The following KANSL1 variants were observed in gnomAD, a reference collection of about 807,000 sequenced individuals.
KANSL1 encodes the protein KAT8 regulatory NSL complex subunit 1, also known as MLL1/MLL complex subunit KANSL1.
In KANSL1, 22 loss-of-function variants were observed where a neutral mutation model predicts 103.6. The ratio of observed to expected loss-of-function variants is 0.21; its 90% CI spans 0.15 to 0.30. The LOEUF is 0.30. KANSL1 is among the 10% of genes least tolerant of loss of function. The pLI, the probability that KANSL1 is intolerant of heterozygous loss-of-function variation, is 1.00. For synonymous variants in KANSL1, 600 were observed against 527.6 expected (o/e 1.14, Z -1.88); for missense variants, 1,337 against 1,399.8 (o/e 0.96, Z 0.72).
intron 2 of KANSL1, among the ~76,000 whole-genome samples, chr17:46,116,479 G>C (rs1036591581): frequency 6.6e-6 from 1 of 152,184 alleles, no homozygotes; most frequent in Non-Finnish European, 1.5e-5. Flanking sequence ...GCAGTGAGCC[G>C]AGATGGCACC....
At chr17:46,048,430 C>T (rs1390638760) in intron 7 of KANSL1, among the ~76,000 whole-genome samples, 1 of 151,736 alleles carries the variant, frequency 6.6e-6, no homozygotes, top group Non-Finnish European at 1.5e-5. Context: ...ATTAGCCAGG[C>T]GTGGTGGCAT....
intron 2 of KANSL1, among the ~76,000 whole-genome samples, chr17:46,166,874 C>T (rs1271486956): frequency 1.3e-5 from 2 of 152,144 alleles, no homozygotes; most frequent in Non-Finnish European, 2.9e-5. Flanking sequence ...ATCTTTCTCC[C>T]TGAGGTCTTT....
At chr17:46,157,918 G>C (rs2045517161) in intron 2 of KANSL1, among the ~76,000 whole-genome samples, 2 of 152,238 alleles carry the variant, frequency 1.3e-5, no homozygotes, top group Admixed American at 1.3e-4. Context: ...TGCTGGGAGA[G>C]TGCCAATTTA....
At chr17:46,184,269 G>A (rs1468003414) in intron 1 of KANSL1, among the ~76,000 whole-genome samples, 3 of 152,216 alleles carry the variant, frequency 2.0e-5, no homozygotes, top group Non-Finnish European at 4.4e-5. Context: ...CAGAGGGTGA[G>A]GGTTGGCAAC....
At chr17:46,109,496 T>A (rs2042712312) in intron 2 of KANSL1, among the ~76,000 whole-genome samples, 1 of 152,222 alleles carries the variant, frequency 6.6e-6, no homozygotes, top group African/African-American at 2.4e-5. Context: ...CATCATTATA[T>A]ATTATATAAA....
chr17:46,068,181 T>C (rs1382387263), intron 4 of KANSL1, among the ~76,000 whole-genome samples: 3 of 152,162 alleles, frequency 2.0e-5, no homozygotes, highest in African/African-American at 7.2e-5. Flanking sequence ...TCAAGATGAC[T>C]AAGAGGAAAT....
rs1378809972 is a variant in KANSL1 at position 46,030,719 on chromosome 17, T to C, written c.*757A>G. On this transcript the variant is annotated 3_prime_UTR_variant, in exon 15 of 15. Transcript: ENST00000432791. ...AAGATCAGGATAGGTGGTAAAAATA[T>C]TCCAAGTGGAAGGACGGGTTGTGGG... The C allele has an allele frequency of 1.3e-5, 2 of 152,052 alleles. No individual in the cohort carries two copies. Among genetic ancestry groups the C allele is most frequent in the East Asian group, 3.9e-4 (2 of 5,176 alleles). The allele number at this position is 152,052 out of a possible 1,614,324, so 9.4% of individuals were successfully genotyped here.
intron 2 of KANSL1, among the ~76,000 whole-genome samples, chr17:46,117,950 A>G (rs1598664671): frequency 6.6e-6 from 1 of 152,354 alleles, no homozygotes; most frequent in East Asian, 1.9e-4. Flanking sequence ...TTTAAAAACT[A>G]CTATCTGTTA....
At chr17:46,188,760 G>C (rs564508850) in intron 1 of KANSL1, among the ~76,000 whole-genome samples, 9 of 152,244 alleles carry the variant, frequency 5.9e-5, no homozygotes, top group Non-Finnish European at 1.3e-4. Flanking sequence ...GCCAGGCCCG[G>C]TGGCTCACGC....
At chr17:46,191,088 A>G (rs1409787786) in intron 1 of KANSL1, among the ~76,000 whole-genome samples, 1 of 152,254 alleles carries the variant, frequency 6.6e-6, no homozygotes, top group Non-Finnish European at 1.5e-5. Context: ...AAAAATGTCT[A>G]GTAACCTATG....
intron 9 of KANSL1, 119 bp downstream of exon 9, chr17:46,038,908 A>C: frequency 7.6e-7 from 1 of 1,313,936 alleles, no homozygotes; most frequent in Non-Finnish European, 1.1e-6. Context: ...GCGTCCCTCT[A>C]CTCTGCTTTC....
intron 3 of KANSL1, among the ~76,000 whole-genome samples, chr17:46,084,399 A>G (rs555698819): frequency 1.3e-5 from 2 of 151,864 alleles, no homozygotes; most frequent in South Asian, 2.1e-4. Context: ...AACAACAACA[A>G]CAACAAAAAT....
At chr17:46,058,373 C>T (rs534503947) in intron 6 of KANSL1, among the ~76,000 whole-genome samples, 2 of 152,262 alleles carry the variant, frequency 1.3e-5, no homozygotes, top group South Asian at 4.1e-4. Flanking sequence ...AGTTGTGGAG[C>T]TAGACTACTA....
chr17:46,168,270 C>T (rs1300017262), intron 2 of KANSL1, among the ~76,000 whole-genome samples: 2 of 152,188 alleles, frequency 1.3e-5, no homozygotes, highest in African/African-American at 2.4e-5. Flanking sequence ...TAAATACCAG[C>T]CTTAAGAGTC....
chr17:46,060,239 C>G (rs1446314143), intron 6 of KANSL1, among the ~76,000 whole-genome samples: 1 of 152,198 alleles, frequency 6.6e-6, no homozygotes, highest in Non-Finnish European at 1.5e-5. Flanking sequence ...AGGTTATAAT[C>G]ATTTGCTTTT....
intron 13 of KANSL1, 39 bp downstream of exon 13, chr17:46,033,041 C>T (rs1463609233): frequency 6.7e-7 from 1 of 1,488,956 alleles, no homozygotes; most frequent in African/African-American, 1.4e-5. Context: ...TGTCCACCCT[C>T]TCTCCACAGG....
intron 1 of KANSL1, among the ~76,000 whole-genome samples, chr17:46,191,036 TAA>T (rs142370817): frequency 1.3e-5 from 2 of 151,720 alleles, no homozygotes. Flanking sequence ...GTATTTACTT[TAA>T]AAAAAAAGTT....
intron 3 of KANSL1, chr17:46,093,622 G>C (rs566353535): frequency 3.9e-5 from 6 of 152,616 alleles, no homozygotes; most frequent in Non-Finnish European, 7.3e-5. Flanking sequence ...CATTTTATCA[G>C]TTGATCAACC....
At chr17:46,193,795 G>T (rs1253961824), upstream of KANSL1, 1 of 167,110 alleles carries the variant, frequency 6.0e-6, no homozygotes, top group African/African-American at 2.4e-5. Context: ...GGGGCCGGCG[G>T]TGCGGCTCGC....
Sources: allele counts gnomAD v4.1 joint callset (sites outside exome capture counted in the v4.1 genomes callset), GRCh38; gene constraint gnomAD v4.1.1; transcripts MANE v1.5; gene names NCBI Gene and HGNC (gene_info 2026-07-23, HGNC 2026-07-21).